Variants in EIF4E2 observed in about 807,000 individuals in gnomAD.
EIF4E2 encodes eukaryotic translation initiation factor 4E type 2.
EIF4E2 carries 13 observed loss-of-function variants against 34.2 expected under a neutral mutation model. The observed-to-expected ratio is 0.38, with a 90% CI of 0.25 to 0.60. The LOEUF (loss-of-function observed/expected upper bound fraction) is 0.60. EIF4E2 is among the 20% of genes least tolerant of loss of function. EIF4E2 has a pLI of 0.62. For synonymous variants in EIF4E2, 100 were observed against 106.6 expected (o/e 0.94, Z 0.38); for missense variants, 222 against 315.1 (o/e 0.70, Z 2.24).
downstream of EIF4E2, among the ~76,000 whole-genome samples, chr2:232,572,062 G>C (rs1338576754): frequency 2.6e-5 from 4 of 152,212 alleles, no homozygotes; most frequent in African/African-American, 9.6e-5. Flanking sequence ...AATCTGTTCA[G>C]AATTCCTTGT....
chr2:232,579,033 T>C (rs1331199318), intron 6 of EIF4E2, among the ~76,000 whole-genome samples: 1 of 152,124 alleles, frequency 6.6e-6, no homozygotes, highest in African/African-American at 2.4e-5. Context: ...GTGAAATCAC[T>C]TTCTTTAGTA....
intron 6 of EIF4E2, among the ~76,000 whole-genome samples, chr2:232,575,545 G>A (rs1693191065): frequency 6.6e-6 from 1 of 152,158 alleles, no homozygotes; most frequent in African/African-American, 2.4e-5. Context: ...AGGATCACTT[G>A]AGCCCAGGAG....
At position 232,566,451 on chromosome 2, in the gene EIF4E2, A is replaced by G. The variant is rs1396912176; in HGVS notation, c.376-378A>G. 1.3e-5 allele frequency among the ~76,000 whole-genome samples: 2 copies of G among 152,198 alleles called. No individual in the cohort carries two copies. Among genetic ancestry groups the G allele is most frequent in the Non-Finnish European group, 2.9e-5 (2 of 68,044 alleles). The stretch of plus-strand genomic sequence containing the variant: ...GTGATTCGCCCACCTCAGCCTTCCA[A>G]AGTGTTGGGATTACGGGCGTGAGCC... On this transcript the variant is annotated intron_variant, in intron 4 of 6. Coordinates refer to ENST00000258416, the MANE Select transcript of EIF4E2 (RefSeq NM_004846.4). The surrounding 1 kb of genome is among the most constrained non-coding windows in gnomAD (Gnocchi z 4.9).
At chr2:232,580,854 A>G (rs1229098336) in intron 6 of EIF4E2, 12 of 1,488,710 alleles carry the variant, frequency 8.1e-6, no homozygotes, top group Non-Finnish European at 1.0e-5. Flanking sequence ...GCTTCTGTAT[A>G]GATGATCCTT....
chr2:232,558,183 A>G (rs1414338779), intron 3 of EIF4E2, 165 bp downstream of exon 3: 2 of 804,474 alleles, frequency 2.5e-6, no homozygotes, highest in African/African-American at 3.5e-5. Context: ...GTTTCTCACT[A>G]GATATCCATG....
intron 6 of EIF4E2, among the ~76,000 whole-genome samples, chr2:232,579,132 A>ACACG (rs1438282352): frequency 2.2e-5 from 1 of 46,316 alleles, no homozygotes; most frequent in African/African-American, 1.3e-4. Flanking sequence ...ATACACACAC[A>ACACG]CACACACACA....
intron 6 of EIF4E2, chr2:232,574,489 T>TG (rs1418781478): frequency 2.3e-5 from 18 of 785,516 alleles, no homozygotes; most frequent in Admixed American, 1.5e-4. Context: ...TCATCCTCCC[T>TG]GGGTCCCATG....
intron 6 of EIF4E2, chr2:232,567,420 A>G (rs1475592000): frequency 7.3e-7 from 1 of 1,373,922 alleles, no homozygotes; most frequent in African/African-American, 1.5e-5. Flanking sequence ...GCTTTGTAGC[A>G]GAGAGAGCCC....
chr2:232,561,391 G>A (rs972421617), intron 3 of EIF4E2, among the ~76,000 whole-genome samples: 1 of 151,906 alleles, frequency 6.6e-6, no homozygotes, highest in Non-Finnish European at 1.5e-5. Context: ...TTGTTTCAGT[G>A]TATATGTTAA....
At chr2:232,580,990 C>G in exon 7 of EIF4E2, 1 of 1,533,622 alleles carries the variant, frequency 6.5e-7, no homozygotes, top group South Asian at 1.2e-5. Context: ...GTGTGTTTGT[C>G]CGAAATGGAT....
In EIF4E2 at chr2:232,567,229, G is replaced by A. The variant is rs377082781; in HGVS notation, c.665+15G>A. The A allele has an allele frequency of 9.3e-6, 15 of 1,613,914 alleles. No homozygotes were observed. Among genetic ancestry groups the A allele is most frequent in the Non-Finnish European group, 1.2e-5 (14 of 1,179,960 alleles). ...GACAGCATCAAGTACGTGTTGGGGG[G>A]TTATGGGAGGACGTGTCCCTAAGCT... is the stretch of plus-strand genomic sequence containing the variant. On this transcript the variant is annotated intron_variant, in intron 6 of 6. Transcript: ENST00000258416.
chr2:232,564,495 A>T (rs1263029556), intron 4 of EIF4E2, 144 bp downstream of exon 4: 1 of 516,670 alleles, frequency 1.9e-6, no homozygotes, highest in African/African-American at 2.0e-5. Flanking sequence ...TCTGTCACCC[A>T]GGCTGAGCGC....
At position 232,566,838 on chromosome 2, in the gene EIF4E2, A is replaced by G; in HGVS notation, c.385A>G (p.Asn129Asp). 1.2e-6 allele frequency: 2 copies of G among 1,614,144 alleles called. No individual in the cohort carries two copies. The highest frequency in any genetic ancestry group is 1.7e-6 in the Non-Finnish European group (2 of 1,180,032). The change falls in exon 5 of 7, where the codon AAT (asparagine) becomes GAT (aspartate). Residue 129 changes from asparagine to aspartate, a missense_variant. By Grantham distance (23) the Asn-to-Asp change is conservative (BLOSUM62 1). Transcript: ENST00000258416. The surrounding 1 kb of genome is among the most constrained non-coding windows in gnomAD (Gnocchi z 4.9). ...GIKPMWEDDA[N>D]KNGGKWIIRL... is the part of the protein sequence containing the mutation. Reference sequence around the variant, plus strand: ...TTCTGTCTTTTTACAGGATGATGCAAATAAAAATGGTGGCAAGTGGATTAT... The same window carrying G: ...TTCTGTCTTTTTACAGGATGATGCAGATAAAAATGGTGGCAAGTGGATTAT...
intron 1 of EIF4E2, chr2:232,553,873 T>C (rs1313876069): frequency 6.6e-6 from 1 of 151,902 alleles, no homozygotes; most frequent in Non-Finnish European, 1.5e-5. Context: ...AGCAAACCAC[T>C]AAAAAGAAAG....
At chr2:232,567,545 CT>C in intron 6 of EIF4E2, 1 of 1,242,836 alleles carries the variant, frequency 8.0e-7, no homozygotes, top group Non-Finnish European at 1.0e-6. Context: ...CTTTTTCTTG[CT>C]GTTTTTTAAG....
chr2:232,568,099 G>C (rs1451020709), intron 6 of EIF4E2: 1 of 985,272 alleles, frequency 1.0e-6, no homozygotes, highest in African/African-American at 1.7e-5. Flanking sequence ...CTTTAACTGA[G>C]GGTCTTCAGA....
intron 1 of EIF4E2, among the ~76,000 whole-genome samples, chr2:232,552,689 T>C (rs1454644078): frequency 2.6e-5 from 4 of 152,208 alleles, no homozygotes; most frequent in Non-Finnish European, 4.4e-5. Context: ...GCCCTCTTTT[T>C]TTTTCTTACC....
At chr2:232,570,742 G>A (rs774109244), downstream of EIF4E2, among the ~76,000 whole-genome samples, 5 of 152,168 alleles carry the variant, frequency 3.3e-5, no homozygotes, top group Non-Finnish European at 5.9e-5. Context: ...CAGGAGACCA[G>A]CCTGGCCAAC....
At position 232,566,735 on chromosome 2, in the gene EIF4E2, T is replaced by C; in HGVS notation, c.376-94T>C. 7.2e-7 allele frequency: 1 copy of C among 1,380,236 alleles called. No homozygotes were observed. Among genetic ancestry groups the C allele is most frequent in the South Asian group, 1.3e-5 (1 of 77,982 alleles). 85.5% of individuals were successfully genotyped at this position (1,380,236 alleles called of 1,614,324 possible). A position where few individuals can be genotyped will look rare whatever the true frequency, so the allele number is the denominator to read the frequency against. On this transcript the variant is annotated intron_variant, in intron 4 of 6. Coordinates refer to ENST00000258416, the MANE Select transcript of EIF4E2 (RefSeq NM_004846.4). This position sits in a 1 kb window ranked among gnomAD's most constrained non-coding sequence, Gnocchi z 4.9. The stretch of plus-strand genomic sequence containing the variant: ...ATAATTGGAAAGTGATATGACTTCT[T>C]AGTGTTTAAGAGATTCTTGGCTTTT...
Sources: allele counts gnomAD v4.1 joint callset (sites outside exome capture counted in the v4.1 genomes callset), GRCh38; gene constraint gnomAD v4.1.1; non-coding constraint Gnocchi (gnomAD v3.1); transcripts MANE v1.5; gene names NCBI Gene and HGNC (gene_info 2026-07-23, HGNC 2026-07-21).